The following ASTN2 variants were observed in gnomAD, a reference collection of about 807,000 sequenced individuals.
The protein encoded by ASTN2 is astrotactin 2.
Under a neutral mutation model 139.8 loss-of-function variants are expected in ASTN2, and 54 were observed. That is an observed-to-expected ratio of 0.39 (90% CI 0.31 to 0.48). The LOEUF (loss-of-function observed/expected upper bound fraction) is 0.48. Among genes scored for constraint, ASTN2 ranks in the 20% least tolerant of loss-of-function variants. ASTN2 has a pLI of 0.95. For synonymous variants in ASTN2, 756 were observed against 719.5 expected (o/e 1.05, Z -0.81); for missense variants, 1,565 against 1,725.1 (o/e 0.91, Z 1.64).
chr9:117,056,001 C>G (rs1456647612), intron 5 of ASTN2, among the ~76,000 whole-genome samples: 2 of 152,320 alleles, frequency 1.3e-5, no homozygotes, highest in South Asian at 4.1e-4. Flanking sequence ...GGCCCTATGG[C>G]CCACATGAGA....
intron 13 of ASTN2, among the ~76,000 whole-genome samples, chr9:116,766,621 ACAGT>A (rs1404255388): frequency 3.9e-5 from 6 of 152,118 alleles, no homozygotes; most frequent in African/African-American, 1.2e-4. Context: ...ATACATATTT[ACAGT>A]CAGATACCCG....
intron 1 of ASTN2, among the ~76,000 whole-genome samples, chr9:117,382,975 C>T (rs1320947036): frequency 6.6e-6 from 1 of 152,058 alleles, no homozygotes; most frequent in Admixed American, 6.6e-5. Context: ...AGTGAAGGGC[C>T]AGACAGTAAA....
At chr9:116,892,278 C>G (rs115934054) in intron 10 of ASTN2, among the ~76,000 whole-genome samples, 2 of 152,190 alleles carry the variant, frequency 1.3e-5, no homozygotes, top group South Asian at 4.1e-4. Context: ...TTCAGTCTAA[C>G]GTCTCTTTCT....
chr9:116,792,885 T>C (rs1455864670), intron 13 of ASTN2, among the ~76,000 whole-genome samples: 1 of 152,148 alleles, frequency 6.6e-6, no homozygotes. Flanking sequence ...CACTTTGCTA[T>C]TCAAAGCTGT....
intron 19 of ASTN2, among the ~76,000 whole-genome samples, chr9:116,539,039 T>C (rs549580526): frequency 3.3e-5 from 5 of 152,312 alleles, no homozygotes; most frequent in East Asian, 3.9e-4. Flanking sequence ...TACTGGTACA[T>C]GCTACGACAT....
intron 2 of ASTN2, among the ~76,000 whole-genome samples, chr9:117,275,070 C>T (rs1834153783): frequency 6.6e-6 from 1 of 152,176 alleles, no homozygotes; most frequent in Non-Finnish European, 1.5e-5. Flanking sequence ...TCATTAACCA[C>T]CAAAGTTCTT....
chr9:116,622,656 T>C (rs4837683), intron 17 of ASTN2, among the ~76,000 whole-genome samples: 67,784 of 152,176 alleles, frequency 0.45, 15,989 homozygotes, highest in East Asian at 0.72. Flanking sequence ...TCAACAATTC[T>C]GAGCCATGGG....
At chr9:117,316,648 A>T (rs2130824291) in intron 1 of ASTN2, among the ~76,000 whole-genome samples, 1 of 152,254 alleles carries the variant, frequency 6.6e-6, no homozygotes. Context: ...CTCCCTCAGA[A>T]TTGTGTTTCT....
intron 16 of ASTN2, among the ~76,000 whole-genome samples, chr9:116,688,233 C>G (rs1215059735): frequency 1.3e-5 from 2 of 151,850 alleles, no homozygotes; most frequent in African/African-American, 4.8e-5. Context: ...TATACAGCCC[C>G]AAAGATTGGA....
At chr9:117,052,478 C>T (rs1288673210) in intron 5 of ASTN2, among the ~76,000 whole-genome samples, 1 of 150,806 alleles carries the variant, frequency 6.6e-6, no homozygotes, top group Non-Finnish European at 1.5e-5. Context: ...AATTAAATAG[C>T]ATGACATGCA....
chr9:116,813,902 G>A (rs1472159789), intron 12 of ASTN2, among the ~76,000 whole-genome samples: 1 of 151,974 alleles, frequency 6.6e-6, no homozygotes, highest in Non-Finnish European at 1.5e-5. Context: ...TGGGTGTGGT[G>A]GTGAGCGCCT....
chr9:116,759,823 C>G (rs567570044), intron 13 of ASTN2, among the ~76,000 whole-genome samples: 1 of 152,272 alleles, frequency 6.6e-6, no homozygotes, highest in East Asian at 1.9e-4. Flanking sequence ...ACCTTAATCT[C>G]TCTTGCTAAC....
At chr9:116,724,684 G>T (rs937555535) in intron 16 of ASTN2, among the ~76,000 whole-genome samples, 9 of 152,168 alleles carry the variant, frequency 5.9e-5, no homozygotes, top group South Asian at 2.1e-4. Flanking sequence ...ACATTTTGTG[G>T]TTTTTTGTTA....
chr9:117,414,822 C>T lies in ASTN2; in HGVS notation c.117G>A (p.Leu39=). The T allele has an allele frequency of 8.3e-7, 1 of 1,200,866 alleles. No homozygotes were observed. Among genetic ancestry groups the T allele is most frequent in the South Asian group, 2.9e-5 (1 of 34,354 alleles). 74.4% of individuals were successfully genotyped at this position (1,200,866 alleles called of 1,614,324 possible). ...PPLLPLLLLF[L]LLLPPPPLLA... ...GCAGCGGCGGCGGCGGCAGCAGGAG[C>T]AGGAACAGCAGCAGCAGCGGCAGCA... Residue 39 remains leucine, a synonymous_variant, in exon 1 of 23, where the codon CTG becomes CTA. Coordinates refer to ENST00000313400, the MANE Select transcript of ASTN2 (RefSeq NM_001365068.1). This position sits in a 1 kb window ranked among gnomAD's most constrained non-coding sequence, Gnocchi z 4.2.
chr9:116,927,188 A>G (rs1834778716), intron 10 of ASTN2, among the ~76,000 whole-genome samples: 1 of 152,126 alleles, frequency 6.6e-6, no homozygotes, highest in Non-Finnish European at 1.5e-5. Flanking sequence ...CCTTCCATCC[A>G]TACCTCTGCT....
In ASTN2 at chr9:116,471,626, A is replaced by G. The variant is rs924208746; in HGVS notation, c.3497+15733T>C. The stretch of plus-strand genomic sequence containing the variant: ...AGGGGGTGGAGGGAGGGGGGAATTC[A>G]TATGAATGCTTACTGCAATAAGAGT... On this transcript the variant is annotated intron_variant, in intron 20 of 22. Coordinates refer to ENST00000313400, the MANE Select transcript of ASTN2 (RefSeq NM_001365068.1). 7.2e-5 allele frequency among the ~76,000 whole-genome samples: 11 copies of G among 152,172 alleles called. No homozygotes were observed. In the East Asian group the frequency reaches 2.1e-3, roughly 29 times the overall value.
intron 10 of ASTN2, among the ~76,000 whole-genome samples, chr9:116,934,502 A>G (rs1211557507): frequency 6.6e-6 from 1 of 152,170 alleles, no homozygotes; most frequent in Non-Finnish European, 1.5e-5. Context: ...TGCTTAGCAA[A>G]CTAACACAGG....
rs1832153223 is a variant in ASTN2, at chr9:116,839,886, T to TTC, written c.2041-19104_2041-19103insGA. 3.0e-5 allele frequency among the ~76,000 whole-genome samples: 4 copies of TTC among 132,820 alleles called. 1 individual carries two copies. The South Asian group carries it at 9.1e-4, about 30-fold the overall frequency. The allele number at this position is 132,820 out of a possible 152,430, so 87.1% of individuals were successfully genotyped here. ...TTATTATTATTATTATTATTATTTT[T>TTC]TTTTTTTTAATTGATCATTCTTGGG... is the stretch of plus-strand genomic sequence containing the variant. On this transcript the variant is annotated intron_variant, in intron 11 of 22. Coordinates refer to ENST00000313400, the MANE Select transcript of ASTN2 (RefSeq NM_001365068.1).
At chr9:116,554,166 A>G (rs1852483722) in intron 19 of ASTN2, among the ~76,000 whole-genome samples, 1 of 152,212 alleles carries the variant, frequency 6.6e-6, no homozygotes, top group Non-Finnish European at 1.5e-5. Context: ...GCAGTGGTAG[A>G]TAGAATGCTG....
Sources: allele counts gnomAD v4.1 joint callset (sites outside exome capture counted in the v4.1 genomes callset), GRCh38; gene constraint gnomAD v4.1.1; non-coding constraint Gnocchi (gnomAD v3.1); transcripts MANE v1.5; gene names NCBI Gene and HGNC (gene_info 2026-07-23, HGNC 2026-07-21).